ANKFY1: variants seen among roughly 807,000 people sequenced by gnomAD.
The protein encoded by ANKFY1 is ankyrin repeat and FYVE domain-containing protein 1.
A neutral mutation model predicts 128.3 loss-of-function variants in ANKFY1; 47 were observed. The observed-to-expected ratio is 0.37, with a 90% CI of 0.29 to 0.47. The LOEUF is 0.47. ANKFY1 is among the 20% of genes least tolerant of loss of function. ANKFY1 has a pLI of 1.00. For synonymous variants in ANKFY1, 553 were observed against 601.6 expected (o/e 0.92, Z 1.18); for missense variants, 1,222 against 1,510.6 (o/e 0.81, Z 3.17).
intron 1 of ANKFY1, among the ~76,000 whole-genome samples, chr17:4,250,276 C>G (rs529522179): frequency 6.6e-6 from 1 of 152,310 alleles, no homozygotes; most frequent in Non-Finnish European, 1.5e-5. Flanking sequence ...GAATGACTGA[C>G]TGCTACTATA....
In ANKFY1 at chr17:4,247,060, G is replaced by A. The variant is rs529963473; in HGVS notation, c.11-4612C>T. Among the ~76,000 whole-genome samples, 4 of 151,752 alleles carry A rather than the reference G, an allele frequency of 2.6e-5. No homozygotes were observed. In the East Asian group the frequency reaches 7.8e-4, roughly 29 times the overall value. ...CCTGGTAGGACGTAGAGGTTGTGGT[G>A]AGCTGAGATCGCACCACTGACTCCA... On this transcript the variant is annotated intron_variant, in intron 1 of 24. Transcript: ENST00000341657.
At chr17:4,199,335 C>T (rs368642213) in intron 7 of ANKFY1, among the ~76,000 whole-genome samples, 1 of 152,142 alleles carries the variant, frequency 6.6e-6, no homozygotes, top group East Asian at 1.9e-4. Flanking sequence ...ACTACAGGCA[C>T]GCATGCCACC....
chr17:4,180,681 C>T (rs1846225662), intron 16 of ANKFY1, among the ~76,000 whole-genome samples: 1 of 143,538 alleles, frequency 7.0e-6, no homozygotes, highest in Admixed American at 7.6e-5. Flanking sequence ...GGCGTGAACC[C>T]AGGAGGCAGA....
Position 4,172,576 on chromosome 17 carries a change from G to A in ANKFY1, c.3119C>T (p.Pro1040Leu), listed in dbSNP as rs759620070. 46 of 1,613,738 alleles carry A rather than the reference G, an allele frequency of 2.9e-5. No homozygotes were observed. Among genetic ancestry groups the A allele is most frequent in the Admixed American group, 1.2e-4 (7 of 59,994 alleles). The change falls in exon 22 of 25, where the codon CCG becomes CTG. Residue 1040 changes from proline to leucine, a missense_variant. Coordinates refer to ENST00000341657, the MANE Select transcript of ANKFY1 (RefSeq NM_001330063.2). ...ECMPGYPLDK[P>L]DADGSTVLLL... Reference sequence around the variant, plus strand: ...CACACCCGTGCTGCCGTCTGCATCCGGCTTGTCCAGAGGATACCCCGGCAT... The same window carrying A: ...CACACCCGTGCTGCCGTCTGCATCCAGCTTGTCCAGAGGATACCCCGGCAT...
chr17:4,225,854 C>T (rs1302791974), intron 3 of ANKFY1, among the ~76,000 whole-genome samples: 1 of 152,136 alleles, frequency 6.6e-6, no homozygotes, highest in Non-Finnish European at 1.5e-5. Context: ...CTCTGCCTTG[C>T]AGGCTAAGTG....
At chr17:4,193,147 T>C (rs2059747603) in intron 10 of ANKFY1, among the ~76,000 whole-genome samples, 1 of 152,226 alleles carries the variant, frequency 6.6e-6, no homozygotes, top group Non-Finnish European at 1.5e-5. Context: ...CTTGATTTAA[T>C]GCACATAGAG....
chr17:4,170,928 G>C, intron 22 of ANKFY1, 67 bp from the exon 23 acceptor site: 2 of 1,607,016 alleles, frequency 1.2e-6, no homozygotes, highest in South Asian at 2.2e-5. Flanking sequence ...CAGACGGAGG[G>C]CGGAGGACAG....
At chr17:4,197,882 C>T (rs1598056477) in intron 7 of ANKFY1, among the ~76,000 whole-genome samples, 1 of 152,308 alleles carries the variant, frequency 6.6e-6, no homozygotes, top group East Asian at 1.9e-4. Context: ...GTCGTCCCAA[C>T]ACTTTGGGAG....
chr17:4,177,309 C>A lies in ANKFY1; in HGVS notation c.2599-7G>T. ...TCCGGCCCTTGTTATCCACCTACAG[C>A]AACAAGTGCAAAGCAAAATATTAGT... On this transcript the variant is annotated splice_polypyrimidine_tract_variant and splice_region_variant and intron_variant, in intron 18 of 24. Transcript: ENST00000341657. 2 of 1,574,324 alleles carry A rather than the reference C, an allele frequency of 1.3e-6. No individual in the cohort carries two copies. Among genetic ancestry groups the A allele is most frequent in the South Asian group, 1.2e-5 (1 of 84,050 alleles).
At chr17:4,225,625 A>G (rs2060412133) in intron 3 of ANKFY1, among the ~76,000 whole-genome samples, 1 of 152,156 alleles carries the variant, frequency 6.6e-6, no homozygotes, top group Non-Finnish European at 1.5e-5. Context: ...AGTACAAAAC[A>G]ACAACGACCT....
chr17:4,260,018 C>T (rs771473686), intron 1 of ANKFY1, among the ~76,000 whole-genome samples: 11 of 152,084 alleles, frequency 7.2e-5, no homozygotes, highest in African/African-American at 2.4e-4. Flanking sequence ...ACACAAAGAA[C>T]GCAAAAAAGT....
At chr17:4,172,768 T>TGGA in intron 21 of ANKFY1, 88 bp from the exon 22 acceptor site, 2 of 1,501,274 alleles carry the variant, frequency 1.3e-6, no homozygotes, top group African/African-American at 2.8e-5. Context: ...TCTGTGATGG[T>TGGA]GGATAAATCT....
chr17:4,213,577 T>G (rs1021186985), intron 4 of ANKFY1, among the ~76,000 whole-genome samples: 1 of 147,970 alleles, frequency 6.8e-6, no homozygotes, highest in African/African-American at 2.5e-5. Flanking sequence ...TTTTTTTTTT[T>G]TTTTTCCAAG....
rs1330024642 is a variant in ANKFY1 at position 4,216,963 on chromosome 17, A to T, written c.458+20T>A. On this transcript the variant is annotated intron_variant, in intron 4 of 24. Transcript: ENST00000341657. Reference sequence around the variant, plus strand: ...AGCCACCACCATCTGAGGTGCTTGAATATATCTGCTGTGACTTGCCTCTCC... The same window carrying T: ...AGCCACCACCATCTGAGGTGCTTGATTATATCTGCTGTGACTTGCCTCTCC... 1 of 1,613,808 alleles carries T rather than the reference A, an allele frequency of 6.2e-7. No individual in the cohort carries two copies. The highest frequency in any genetic ancestry group is 1.3e-5 in the African/African-American group (1 of 74,930).
chr17:4,201,632 T>G (rs1174043583), intron 7 of ANKFY1, among the ~76,000 whole-genome samples: 14 of 152,202 alleles, frequency 9.2e-5, no homozygotes. Context: ...TGACTTCAGG[T>G]AACTTAACAA....
At chr17:4,251,547 A>C (rs947974601) in intron 1 of ANKFY1, among the ~76,000 whole-genome samples, 42 of 151,392 alleles carry the variant, frequency 2.8e-4, no homozygotes, top group Admixed American at 9.2e-4. Flanking sequence ...AAAAAAAAAA[A>C]AACAAAAACT....
chr17:4,173,006 G>A (rs566825588), intron 21 of ANKFY1, among the ~76,000 whole-genome samples: 56 of 152,138 alleles, frequency 3.7e-4, no homozygotes, highest in African/African-American at 5.1e-4. Context: ...ACAGGCGCCC[G>A]CCACCACGCC....
At position 4,217,105 on chromosome 17, in the gene ANKFY1, C is replaced by T. The variant is rs746222287; in HGVS notation, c.336G>A (p.Glu112=). The T allele has an allele frequency of 5.0e-6, 8 of 1,611,488 alleles. No individual in the cohort carries two copies. The South Asian group carries it at 6.6e-5, about 13-fold the overall frequency. Residue 112 remains glutamate (E), a synonymous_variant, in exon 4 of 25, where the codon GAG becomes GAA. Coordinates refer to ENST00000341657, the MANE Select transcript of ANKFY1 (RefSeq NM_001330063.2). Reference sequence around the variant, plus strand: ...TCCAGCGAAGCATTGTCATCGTCACCTCAGGATTAGCATCTGGTTAAAGAA... The same window carrying T: ...TCCAGCGAAGCATTGTCATCGTCACTTCAGGATTAGCATCTGGTTAAAGAA... ...KELDLSDANP[E]VTMTMLRWIY... is the part of the protein sequence containing the mutation.
At chr17:4,209,444 GC>G (rs2060086907) in intron 5 of ANKFY1, among the ~76,000 whole-genome samples, 1 of 152,200 alleles carries the variant, frequency 6.6e-6, no homozygotes, top group Non-Finnish European at 1.5e-5. Flanking sequence ...GGGACTACAG[GC>G]ACGCACCACT....
Sources: gnomAD v4.1 joint callset for allele counts (sites outside exome capture counted in the v4.1 genomes callset) on GRCh38, gnomAD v4.1.1 for gene constraint, MANE v1.5 for transcripts, NCBI Gene and HGNC (gene_info 2026-07-23, HGNC 2026-07-21) for gene names.